Variants in C3orf49 observed in about 807,000 individuals in gnomAD.
C3orf49 encodes the protein putative uncharacterized protein C3orf49.
C3orf49 carries 27 observed loss-of-function variants against 13.3 expected under a neutral mutation model. That is an observed-to-expected ratio of 2.02 (90% CI 1.49 to 2.79). C3orf49 has a LOEUF of 2.79. Among genes scored for constraint, C3orf49 ranks in the 30% most tolerant of loss-of-function variants. The pLI, the probability that C3orf49 is intolerant of heterozygous loss-of-function variation, is 0.00. For missense variants in C3orf49, 242 were observed against 134.2 expected, an observed-to-expected ratio of 1.80 and a Z score of -3.97; for synonymous variants, 87 against 47.6, an observed-to-expected ratio of 1.83 and a Z score of -3.40.
chr3:63,826,422 TG>T (rs1341234885), intron 2 of C3orf49, among the ~76,000 whole-genome samples: 3 of 152,054 alleles, frequency 2.0e-5, no homozygotes, highest in Non-Finnish European at 2.9e-5. Context: ...TTACAAGAGT[TG>T]GGGAAGAGTT....
chr3:63,784,107 G>A, the C3orf49 span, among the ~76,000 whole-genome samples: 1 of 152,114 alleles, frequency 6.6e-6, no homozygotes, highest in African/African-American at 2.4e-5. Flanking sequence ...CTTCAATGAG[G>A]TCCCATTGCA....
At chr3:63,779,810 A>G in the C3orf49 span, 2 of 152,124 alleles carry the variant, frequency 1.3e-5, no homozygotes, top group Non-Finnish European at 2.9e-5. Flanking sequence ...ATTTGCCAAG[A>G]ACTTTTCTCA....
Position 63,823,639 on chromosome 3 carries a change from T to A in C3orf49, c.445+70T>A, listed in dbSNP as rs909322410. ...AAGAGTGAAATTAGGATGGATTATC[T>A]TGCTACACCAGTATGGCATCCCTGA... On this transcript the variant is annotated intron_variant, in intron 2 of 6. Transcript: ENST00000295896. 3.9e-5 allele frequency: 25 copies of A among 634,972 alleles called. No individual in the cohort carries two copies. The African/African-American group carries it at 4.2e-4, about 11-fold the overall frequency. 39.3% of individuals were successfully genotyped at this position (634,972 alleles called of 1,614,324 possible).
chr3:63,829,026 G>A (rs534371940), intron 3 of C3orf49, among the ~76,000 whole-genome samples: 6 of 152,258 alleles, frequency 3.9e-5, no homozygotes, highest in African/African-American at 9.6e-5. Context: ...GCCAACAATC[G>A]CACCTAGTTA....
intron 5 of C3orf49, among the ~76,000 whole-genome samples, chr3:63,834,564 G>A (rs1421666530): frequency 6.6e-6 from 1 of 151,816 alleles, no homozygotes; most frequent in Non-Finnish European, 1.5e-5. Context: ...GGAGGCTGAG[G>A]CAGGAGAATC....
intron 5 of C3orf49, among the ~76,000 whole-genome samples, chr3:63,843,490 A>G (rs906692076): frequency 6.6e-6 from 1 of 152,216 alleles, no homozygotes; most frequent in Non-Finnish European, 1.5e-5. Flanking sequence ...TATGTGTCCA[A>G]AGGAAATAAA....
upstream of C3orf49, among the ~76,000 whole-genome samples, chr3:63,819,113 TG>T (rs1301628671): frequency 1.3e-5 from 2 of 152,098 alleles, no homozygotes; most frequent in East Asian, 3.9e-4. Context: ...TTGTTGTTGT[TG>T]TTTGATTTTT....
chr3:63,819,323 G>A lies in C3orf49; in HGVS notation c.-149G>A. 1.7e-6 allele frequency: 1 copy of A among 587,576 alleles called. No individual in the cohort carries two copies. 36.4% of individuals were successfully genotyped at this position (587,576 alleles called of 1,614,324 possible). A position where few individuals can be genotyped will look rare whatever the true frequency, so the allele number is the denominator to read the frequency against. On this transcript the variant is annotated 5_prime_UTR_variant, in exon 1 of 7. Coordinates refer to ENST00000295896, the MANE Select transcript of C3orf49 (RefSeq NM_001355236.2). Reference sequence around the variant, plus strand: ...TCTCTAACACCTGGAAGGGAATAAGGGAAAGACTCTAAAAATTTCCTACAT... The same window carrying A: ...TCTCTAACACCTGGAAGGGAATAAGAGAAAGACTCTAAAAATTTCCTACAT...
At chr3:63,799,750 G>C in the C3orf49 span, among the ~76,000 whole-genome samples, 1 of 152,082 alleles carries the variant, frequency 6.6e-6, no homozygotes, top group East Asian at 1.9e-4. Context: ...CAATTTTACA[G>C]TTGAAACAGC....
At chr3:63,789,662 T>A in the C3orf49 span, among the ~76,000 whole-genome samples, 22 of 151,626 alleles carry the variant, frequency 1.5e-4, no homozygotes, top group African/African-American at 5.3e-4. Context: ...AATACAAAAA[T>A]TAACCGGGTA....
chr3:63,844,004 G>T (rs1384292780), intron 5 of C3orf49, among the ~76,000 whole-genome samples: 1 of 152,088 alleles, frequency 6.6e-6, no homozygotes, highest in East Asian at 1.9e-4. Context: ...CATAAACAAT[G>T]AAATACTATT....
intron 5 of C3orf49, chr3:63,837,900 T>A: frequency 7.4e-7 from 1 of 1,350,476 alleles, no homozygotes; most frequent in Middle Eastern, 1.9e-4. Flanking sequence ...AGATTTTACC[T>A]CACAACATTA....
intron 5 of C3orf49, chr3:63,832,064 G>C: frequency 2.3e-6 from 1 of 434,770 alleles, no homozygotes; most frequent in South Asian, 3.4e-5. Flanking sequence ...AGTGGTGGCG[G>C]GCGCCTCTAA....
At chr3:63,841,484 T>C (rs1701758874) in intron 5 of C3orf49, among the ~76,000 whole-genome samples, 2 of 152,206 alleles carry the variant, frequency 1.3e-5, no homozygotes, top group South Asian at 4.1e-4. Context: ...CTTTAAACAA[T>C]AGTTCCTGTG....
upstream of C3orf49, among the ~76,000 whole-genome samples, chr3:63,815,399 T>C (rs997927589): frequency 1.3e-5 from 2 of 152,298 alleles, no homozygotes; most frequent in African/African-American, 4.8e-5. Flanking sequence ...GCCTACCTAA[T>C]GACTTTTCAA....
At chr3:63,794,943 C>G in the C3orf49 span, among the ~76,000 whole-genome samples, 1 of 152,156 alleles carries the variant, frequency 6.6e-6, no homozygotes, top group African/African-American at 2.4e-5. Context: ...AAACCCCCCA[C>G]CTTTTCTGCC....
At chr3:63,837,173 T>C (rs1701652698) in intron 5 of C3orf49, among the ~76,000 whole-genome samples, 1 of 151,958 alleles carries the variant, frequency 6.6e-6, no homozygotes, top group South Asian at 2.1e-4. Flanking sequence ...TACAAATTTT[T>C]TGAATTACAA....
In C3orf49 at chr3:63,827,692, A is replaced by T; in HGVS notation, c.537A>T (p.Leu179Phe). ...LLRARRTTKR[L>F]SVTSLPSGLQ... is the part of the protein sequence containing the mutation. ...GGGCCAGGAGAACCACCAAGCGGTT[A>T]TCTGTGACATCTCTTCCTTCAGGAC... Residue 179 changes from leucine (L) to phenylalanine (F), a missense_variant, in exon 3 of 7, where the codon TTA becomes TTT. Leu to Phe is a conservative substitution (Grantham distance 22). Transcript: ENST00000295896. 2.8e-6 allele frequency: 2 copies of T among 703,118 alleles called. No individual in the cohort carries two copies. The highest frequency in any genetic ancestry group is 2.6e-6 in the Non-Finnish European group (1 of 385,030). 43.6% of individuals were successfully genotyped at this position (703,118 alleles called of 1,614,324 possible). A position where few individuals can be genotyped will look rare whatever the true frequency, so the allele number is the denominator to read the frequency against.
chr3:63,800,888 A>G, the C3orf49 span, among the ~76,000 whole-genome samples: 3 of 152,140 alleles, frequency 2.0e-5, no homozygotes, highest in African/African-American at 4.8e-5. Flanking sequence ...CTGCTGCACA[A>G]TTGTGCCAAG....
Sources: allele counts gnomAD v4.1 joint callset (sites outside exome capture counted in the v4.1 genomes callset), GRCh38; gene constraint gnomAD v4.1.1; transcripts MANE v1.5; gene names NCBI Gene and HGNC (gene_info 2026-07-23, HGNC 2026-07-21).